EML4: variants seen among roughly 807,000 people sequenced by gnomAD.
EML4 encodes echinoderm microtubule-associated protein-like 4.
EML4 carries 72 observed loss-of-function variants against 129.0 expected under a neutral mutation model. That is an observed-to-expected ratio of 0.56 (90% CI 0.46 to 0.68). The LOEUF (loss-of-function observed/expected upper bound fraction) is 0.68, where lower values mean the gene tolerates loss of function less well. EML4 is among the 30% of genes least tolerant of loss of function. The pLI, the probability that EML4 is intolerant of heterozygous loss-of-function variation, is 0.00. For missense variants in EML4, 1,363 were observed against 1,190.6 expected, an observed-to-expected ratio of 1.14 and a Z score of -2.13; for synonymous variants, 532 against 405.0, an observed-to-expected ratio of 1.31 and a Z score of -3.77.
At chr2:42,206,039 C>T (rs184077436) in intron 1 of EML4, among the ~76,000 whole-genome samples, 6 of 152,266 alleles carry the variant, frequency 3.9e-5, no homozygotes, top group East Asian at 3.9e-4. Flanking sequence ...GCATTTATCA[C>T]TCATTTGACA....
At chr2:42,252,425 A>G (rs182024004) in intron 2 of EML4, among the ~76,000 whole-genome samples, 1 of 152,158 alleles carries the variant, frequency 6.6e-6, no homozygotes, top group Admixed American at 6.5e-5. Flanking sequence ...CCACCATCTT[A>G]TTCTCAGACC....
At chr2:42,206,323 C>A (rs1672535795) in intron 1 of EML4, among the ~76,000 whole-genome samples, 1 of 152,148 alleles carries the variant, frequency 6.6e-6, no homozygotes, top group African/African-American at 2.4e-5. Flanking sequence ...AAGTGATCCT[C>A]CCACCTCAGC....
At chr2:42,301,423 A>C in intron 14 of EML4, 31 bp downstream of exon 14, 1 of 1,551,204 alleles carries the variant, frequency 6.4e-7, no homozygotes, top group Non-Finnish European at 8.8e-7. Flanking sequence ...TAAAAATATT[A>C]AATACTCTAA....
At chr2:42,181,493 T>C (rs564092998) in intron 1 of EML4, among the ~76,000 whole-genome samples, 59 of 152,042 alleles carry the variant, frequency 3.9e-4, no homozygotes, top group African/African-American at 6.8e-4. Flanking sequence ...AGGGATGGGG[T>C]TTCACCATGT....
At chr2:42,312,005 C>T (rs753938612) in intron 17 of EML4, among the ~76,000 whole-genome samples, 4 of 152,042 alleles carry the variant, frequency 2.6e-5, no homozygotes, top group African/African-American at 9.7e-5. Flanking sequence ...GCACCATGCC[C>T]GGCCTTCCTA....
chr2:42,273,841 T>C (rs1050872857), intron 6 of EML4, among the ~76,000 whole-genome samples: 4 of 152,312 alleles, frequency 2.6e-5, no homozygotes, highest in East Asian at 3.9e-4. Context: ...GATTTAACTA[T>C]TTTTACAGCT....
chr2:42,325,228 T>C (rs757756370), intron 19 of EML4: 2 of 579,278 alleles, frequency 3.5e-6, no homozygotes, highest in Non-Finnish European at 6.7e-6. Flanking sequence ...TTCTTGGAAG[T>C]GTCTAATACA....
At chr2:42,175,378 G>A (rs1187038220) in intron 1 of EML4, among the ~76,000 whole-genome samples, 1 of 152,166 alleles carries the variant, frequency 6.6e-6, no homozygotes, top group African/African-American at 2.4e-5. Context: ...CTTCCAAAGT[G>A]CTGGCATTAC....
chr2:42,270,164 G>A (rs910643382), intron 6 of EML4, among the ~76,000 whole-genome samples: 1 of 152,076 alleles, frequency 6.6e-6, no homozygotes, highest in Non-Finnish European at 1.5e-5. Context: ...GGTCTTTTTG[G>A]TAACTTTCTG....
At position 42,295,245 on chromosome 2, in the gene EML4, CAG is replaced by C. The variant is rs776794278; in HGVS notation, c.1340_1341del (p.Gln447ArgfsTer7). 30 of 1,612,878 alleles carry C rather than the reference CAG, an allele frequency of 1.9e-5. No individual in the cohort carries two copies. Among genetic ancestry groups the C allele is most frequent in the African/African-American group, 5.3e-5 (4 of 74,828 alleles). The stretch of plus-strand genomic sequence containing the variant: ...GAGCGGCAATTCACTAACAAGAAAA[CAG>C]GGAATTTTTGGGGTAAGAATCAGAT... ...TWSGNSLTRK[Q>X]GIFGKYEKPK... On this transcript the variant is annotated frameshift_variant, in exon 12 of 23. Coordinates refer to ENST00000318522, the MANE Select transcript of EML4 (RefSeq NM_019063.5). LOFTEE classifies it high-confidence loss of function.
chr2:42,321,067 A>G (rs760626439), intron 19 of EML4, among the ~76,000 whole-genome samples: 5 of 152,130 alleles, frequency 3.3e-5, no homozygotes, highest in Non-Finnish European at 7.4e-5. Context: ...AGAATTCAGT[A>G]TCACTGTGAC....
intron 14 of EML4, among the ~76,000 whole-genome samples, chr2:42,302,726 G>T (rs934610390): frequency 1.4e-4 from 21 of 151,942 alleles, no homozygotes; most frequent in African/African-American, 4.6e-4. Flanking sequence ...TAGAGACAGG[G>T]TTTCACCATG....
rs115392356 is a variant in EML4 at position 42,184,409 on chromosome 2, G to T, written c.25+14773G>T. 3.6e-3 allele frequency among the ~76,000 whole-genome samples: 405 copies of T among 111,998 alleles called. 2 individuals carry two copies. Among genetic ancestry groups the T allele is most frequent in the African/African-American group, 0.014 (389 of 27,936 alleles). The allele number at this position is 111,998 out of a possible 152,430, so 73.5% of individuals were successfully genotyped here. On this transcript the variant is annotated intron_variant, in intron 1 of 22. Transcript: ENST00000318522. ...CTCCCCCCACCCCACAACAGGCCCC[G>T]GTGCTAACACACCATTTTCATTGTC...
intron 1 of EML4, among the ~76,000 whole-genome samples, chr2:42,175,172 G>A (rs747080287): frequency 2.6e-5 from 4 of 151,590 alleles, no homozygotes; most frequent in Non-Finnish European, 5.9e-5. Flanking sequence ...GAGTGCAGTG[G>A]CACCATGTTG....
intron 11 of EML4, among the ~76,000 whole-genome samples, chr2:42,291,946 A>G (rs1187782766): frequency 1.3e-5 from 2 of 152,212 alleles, no homozygotes; most frequent in East Asian, 1.9e-4. Context: ...CAATACCACT[A>G]TGCACCTACC....
At chr2:42,302,778 C>G (rs1668364763) in intron 14 of EML4, among the ~76,000 whole-genome samples, 2 of 152,192 alleles carry the variant, frequency 1.3e-5, no homozygotes, top group African/African-American at 2.4e-5. Context: ...AGGTGATCCA[C>G]CCGCATTGGC....
Position 42,245,532 on chromosome 2 carries a change from C to T in EML4, c.53C>T (p.Ser18Phe), listed in dbSNP as rs113909364. 394 of 1,613,370 alleles carry T rather than the reference C, an allele frequency of 2.4e-4. 1 individual carries two copies. In the African/African-American group the frequency reaches 4.3e-3, roughly 17 times the overall value. ...GATAGTATTTCTGCTGCAAGTACTT[C>T]TGATGTTCAAGATCGCCTGTCAGCT... ...LDDSISAAST[S>F]DVQDRLSALE... Residue 18 changes from serine to phenylalanine, a missense_variant, in exon 2 of 23, where the codon TCT becomes TTT. By Grantham distance (155) the Ser-to-Phe change is radical (BLOSUM62 -2). Coordinates refer to ENST00000318522, the MANE Select transcript of EML4 (RefSeq NM_019063.5).
At chr2:42,228,733 A>G (rs545491877) in intron 1 of EML4, among the ~76,000 whole-genome samples, 5 of 152,270 alleles carry the variant, frequency 3.3e-5, no homozygotes, top group African/African-American at 9.6e-5. Context: ...TTCTGTATAT[A>G]TCTGTCAGGA....
chr2:42,240,751 C>G (rs1674973644), intron 1 of EML4, among the ~76,000 whole-genome samples: 2 of 152,118 alleles, frequency 1.3e-5, no homozygotes, highest in Non-Finnish European at 2.9e-5. Context: ...TATTGCCATG[C>G]CATGCATTAT....
Sources: allele counts gnomAD v4.1 joint callset (sites outside exome capture counted in the v4.1 genomes callset), GRCh38; gene constraint gnomAD v4.1.1; transcripts MANE v1.5; gene names NCBI Gene and HGNC (gene_info 2026-07-23, HGNC 2026-07-21).